Variants in SNAP25 observed in about 807,000 individuals in gnomAD.
The protein encoded by SNAP25 is synaptosome associated protein 25, also known as synaptosomal-associated protein 25.
Under a neutral mutation model 28.7 loss-of-function variants are expected in SNAP25, and 3 were observed. The ratio of observed to expected loss-of-function variants is 0.10; its 90% CI spans 0.05 to 0.27. SNAP25 has a LOEUF of 0.27. Among genes scored for constraint, SNAP25 ranks in the 10% least tolerant of loss-of-function variants. The probability of loss-of-function intolerance (pLI) is 1.00; values close to 1 mark genes in which losing one functional copy is unlikely to be tolerated. For synonymous variants in SNAP25, 61 were observed against 88.1 expected (o/e 0.69, Z 1.72); for missense variants, 117 against 278.7 (o/e 0.42, Z 4.13).
chr20:10,254,786 C>T (rs982487046), intron 1 of SNAP25, among the ~76,000 whole-genome samples: 2 of 152,284 alleles, frequency 1.3e-5, no homozygotes, highest in Admixed American at 6.5e-5. Context: ...GTGCTGGAGA[C>T]GCATACCTGC....
At chr20:10,277,612 G>A in intron 2 of SNAP25, 73 bp from the exon 3 acceptor site, 2 of 1,290,510 alleles carry the variant, frequency 1.5e-6, no homozygotes, top group Admixed American at 1.8e-5. Context: ...AGTAAATAAA[G>A]TATTTCTGAT....
chr20:10,232,817 A>G (rs1220553255), intron 1 of SNAP25, among the ~76,000 whole-genome samples: 1 of 152,178 alleles, frequency 6.6e-6, no homozygotes, highest in Non-Finnish European at 1.5e-5. Flanking sequence ...AGAAAGAGCT[A>G]TGAGAGAATG....
intron 7 of SNAP25, among the ~76,000 whole-genome samples, chr20:10,303,444 C>T (rs1280464602): frequency 6.6e-6 from 1 of 152,160 alleles, no homozygotes. Context: ...TTTGTTTTAA[C>T]TTTGCAAATT....
chr20:10,292,694 T>G (rs1270349973), intron 4 of SNAP25, among the ~76,000 whole-genome samples: 1 of 152,196 alleles, frequency 6.6e-6, no homozygotes, highest in African/African-American at 2.4e-5. Flanking sequence ...ATTTTGAGCA[T>G]CGTTTGGTTT....
intron 1 of SNAP25, among the ~76,000 whole-genome samples, chr20:10,238,662 C>CACTTTGAGAGGCCG (rs1161217226): frequency 2.0e-5 from 3 of 152,126 alleles, no homozygotes; most frequent in African/African-American, 7.2e-5. Flanking sequence ...GTAATCCCAG[C>CACTTTGAGAGGCCG]ACTTTGAGAG....
At chr20:10,247,732 G>A (rs1044882913) in intron 1 of SNAP25, among the ~76,000 whole-genome samples, 1 of 152,206 alleles carries the variant, frequency 6.6e-6, no homozygotes, top group South Asian at 2.1e-4. Flanking sequence ...TGACTGCAGG[G>A]TATGGAGGGC....
intron 1 of SNAP25, among the ~76,000 whole-genome samples, chr20:10,220,141 A>G (rs1266327648): frequency 6.6e-6 from 1 of 152,168 alleles, no homozygotes; most frequent in Non-Finnish European, 1.5e-5. Context: ...GGGATGATAC[A>G]TCTCTCTCTA....
chr20:10,285,765 G>A (rs2063865083), intron 4 of SNAP25, among the ~76,000 whole-genome samples: 1 of 152,188 alleles, frequency 6.6e-6, no homozygotes, highest in Non-Finnish European at 1.5e-5. Flanking sequence ...TCAAAGAAAA[G>A]GGCAGCAACC....
rs2064359283 is a variant in SNAP25, at chr20:10,306,335, CT to C, written c.*139del. On this transcript the variant is annotated 3_prime_UTR_variant, in exon 8 of 8. Coordinates refer to ENST00000254976, the MANE Select transcript of SNAP25 (RefSeq NM_130811.4). The stretch of plus-strand genomic sequence containing the variant: ...CATTGTGAATGTTGTCCTGTGTCAT[CT>C]GTCAGCTTCCCAACAATACTTTGTG... The C allele has an allele frequency of 1.4e-6, 1 of 691,520 alleles. No homozygotes were observed. Among genetic ancestry groups the C allele is most frequent in the Admixed American group, 2.4e-5 (1 of 41,042 alleles). 42.8% of individuals were successfully genotyped at this position (691,520 alleles called of 1,614,324 possible).
intron 1 of SNAP25, among the ~76,000 whole-genome samples, chr20:10,220,097 G>C (rs2062600832): frequency 6.6e-6 from 1 of 152,178 alleles, no homozygotes; most frequent in Admixed American, 6.5e-5. Context: ...CATAAGTACT[G>C]TATATATGAA....
chr20:10,304,405 C>G (rs190510268), intron 7 of SNAP25, among the ~76,000 whole-genome samples: 9 of 152,262 alleles, frequency 5.9e-5, no homozygotes, highest in Admixed American at 5.9e-4. Context: ...AATTTAACTA[C>G]TAGTAGCCTA....
At chr20:10,277,944 G>C in intron 3 of SNAP25, 1 of 483,236 alleles carries the variant, frequency 2.1e-6, no homozygotes, top group Non-Finnish European at 3.7e-6. Flanking sequence ...CACCTCTGTA[G>C]TCTGGTCTGG....
In SNAP25 at chr20:10,237,494, G is replaced by A. The variant is rs565839830; in HGVS notation, c.-64+18517G>A. On this transcript the variant is annotated intron_variant, in intron 1 of 7. Transcript: ENST00000254976. ...GGTATATGGTGGGCACCAACTGGCT[G>A]CTAGAATTTTGCCAACTGTTATCAC... Among the ~76,000 whole-genome samples, 3 of 152,252 alleles carry A rather than the reference G, an allele frequency of 2.0e-5. 1 individual carries two copies. In the South Asian group the frequency reaches 6.2e-4, roughly 32 times the overall value.
intron 1 of SNAP25, among the ~76,000 whole-genome samples, chr20:10,268,592 C>T (rs1212836551): frequency 6.6e-6 from 1 of 152,114 alleles, no homozygotes; most frequent in East Asian, 1.9e-4. Flanking sequence ...TATCCACACT[C>T]ACCTCTCTTC....
chr20:10,244,914 A>G (rs1048836973), intron 1 of SNAP25, among the ~76,000 whole-genome samples: 2 of 151,980 alleles, frequency 1.3e-5, no homozygotes, highest in African/African-American at 4.8e-5. Context: ...TATTTTTAGT[A>G]GAGACGGGGT....
At chr20:10,228,591 A>G (rs988703461) in intron 1 of SNAP25, among the ~76,000 whole-genome samples, 1 of 152,158 alleles carries the variant, frequency 6.6e-6, no homozygotes, top group Non-Finnish European at 1.5e-5. Flanking sequence ...TGCCACTTCA[A>G]TTGTATAACC....
At chr20:10,270,897 G>T (rs191662703) in intron 1 of SNAP25, among the ~76,000 whole-genome samples, 6 of 152,262 alleles carry the variant, frequency 3.9e-5, no homozygotes, top group African/African-American at 1.4e-4. Context: ...TGCTACATGG[G>T]AGTGTCAGAA....
At chr20:10,259,021 G>A (rs914000753) in intron 1 of SNAP25, among the ~76,000 whole-genome samples, 7 of 152,176 alleles carry the variant, frequency 4.6e-5, no homozygotes, top group South Asian at 2.1e-4. Flanking sequence ...GTAGGTTGGC[G>A]TATAGTAGGC....
At chr20:10,279,447 G>A (rs1393815525) in intron 3 of SNAP25, among the ~76,000 whole-genome samples, 1 of 152,100 alleles carries the variant, frequency 6.6e-6, no homozygotes, top group African/African-American at 2.4e-5. Context: ...TATCAGAACC[G>A]TCACTAATTT....
Sources: gnomAD v4.1 joint callset for allele counts (sites outside exome capture counted in the v4.1 genomes callset) on GRCh38, gnomAD v4.1.1 for gene constraint, MANE v1.5 for transcripts, NCBI Gene and HGNC (gene_info 2026-07-23, HGNC 2026-07-21) for gene names.